The following NTSR1 variants were observed in gnomAD, a reference collection of about 807,000 sequenced individuals.
The protein encoded by NTSR1 is neurotensin receptor type 1.
Under a neutral mutation model 31.2 loss-of-function variants are expected in NTSR1, and 29 were observed. The observed-to-expected ratio is 0.93, with a 90% confidence interval of 0.69 to 1.27. The LOEUF (loss-of-function observed/expected upper bound fraction) is 1.27, where lower values mean the gene tolerates loss of function less well. NTSR1 is among the 50% of genes most tolerant of loss of function. The probability of loss-of-function intolerance (pLI) is 0.00; values close to 1 mark genes in which losing one functional copy is unlikely to be tolerated. For synonymous variants in NTSR1, 282 were observed against 269.9 expected (o/e 1.04, Z -0.44); for missense variants, 697 against 595.4 (o/e 1.17, Z -1.78).
rs895286864 is a variant in NTSR1 at position 62,711,610 on chromosome 20, C to T, written c.714+1689C>T. On this transcript the variant is annotated intron_variant, in intron 1 of 3. Transcript: ENST00000370501. The surrounding 1 kb of genome is among the most constrained non-coding windows in gnomAD (Gnocchi z 6.4). ...TCCCCGATCCCCCCGCTCAGAACCC[C>T]GATCCCCCTGCTCCCCTGGCAAAAG... is the stretch of plus-strand genomic sequence containing the variant. Among the ~76,000 whole-genome samples the T allele has an allele frequency of 7.3e-5, 11 of 150,366 alleles. No individual in the cohort carries two copies. The highest frequency in any genetic ancestry group is 6.0e-4 in the Admixed American group (9 of 15,096).
chr20:62,732,323 G>A lies in NTSR1; in HGVS notation c.715-22362G>A, dbSNP rs67381409. ...TGACATGGGCTGTAGGTTTTTAGTA[G>A]ATGTTCTCTACCAAGCTGAGGGAGT... is the stretch of plus-strand genomic sequence containing the variant. On this transcript the variant is annotated intron_variant, in intron 1 of 3. Coordinates refer to ENST00000370501, the MANE Select transcript of NTSR1 (RefSeq NM_002531.3). The surrounding 1 kb of genome is among the most constrained non-coding windows in gnomAD (Gnocchi z 4.0). Among the ~76,000 whole-genome samples, 1 of 152,050 alleles carries A rather than the reference G, an allele frequency of 6.6e-6. No individual in the cohort carries two copies. The highest frequency in any genetic ancestry group is 6.6e-5 in the Admixed American group (1 of 15,266).
chr20:62,750,949 C>G (rs1989384716), intron 1 of NTSR1, among the ~76,000 whole-genome samples: 1 of 152,180 alleles, frequency 6.6e-6, no homozygotes, highest in Non-Finnish European at 1.5e-5. Flanking sequence ...AGTCATAGCT[C>G]ACTGTAGCCT....
intron 1 of NTSR1, among the ~76,000 whole-genome samples, chr20:62,717,996 G>A (rs535668952): frequency 1.3e-5 from 2 of 152,284 alleles, no homozygotes; most frequent in Non-Finnish European, 2.9e-5. Flanking sequence ...GGAGCACTCC[G>A]GTGGGCGTCG....
intron 1 of NTSR1, among the ~76,000 whole-genome samples, chr20:62,748,645 A>G (rs1989342859): frequency 6.6e-6 from 1 of 152,180 alleles, no homozygotes; most frequent in South Asian, 2.1e-4. Context: ...ATCTTTGACA[A>G]GGTGCTATGG....
intron 1 of NTSR1, among the ~76,000 whole-genome samples, chr20:62,718,344 G>A (rs1418395696): frequency 6.6e-6 from 1 of 152,166 alleles, no homozygotes; most frequent in Non-Finnish European, 1.5e-5. Flanking sequence ...CCTAGGCCAG[G>A]GTGGGGGTGG....
intron 1 of NTSR1, among the ~76,000 whole-genome samples, chr20:62,746,024 T>C (rs1228897585): frequency 6.6e-6 from 1 of 152,186 alleles, no homozygotes; most frequent in Non-Finnish European, 1.5e-5. Flanking sequence ...AAGGCCACCC[T>C]ATGTGGCCAG....
chr20:62,760,758 G>A lies in NTSR1; in HGVS notation c.*491G>A, dbSNP rs1041919903. 4 of 154,586 alleles carry A rather than the reference G, an allele frequency of 2.6e-5. No individual in the cohort carries two copies. Among genetic ancestry groups the A allele is most frequent in the East Asian group, 1.9e-4 (1 of 5,186 alleles). 9.6% of individuals were successfully genotyped at this position (154,586 alleles called of 1,614,324 possible). ...CAGGCTCCGTGGCTTTGGGCCTCAC[G>A]TGCAGACCCTGCCATGCAGACCCAT... On this transcript the variant is annotated 3_prime_UTR_variant, in exon 4 of 4. Transcript: ENST00000370501.
In NTSR1 at chr20:62,741,275, T is replaced by TCTAGTGGGGGCCTCTCCAC. The variant is rs1482059232; in HGVS notation, c.715-13408_715-13407insAGTGGGGGCCTCTCCACCT. 7.3e-6 allele frequency among the ~76,000 whole-genome samples: 1 copy of TCTAGTGGGGGCCTCTCCAC among 136,126 alleles called. No individual in the cohort carries two copies. Among genetic ancestry groups the TCTAGTGGGGGCCTCTCCAC allele is most frequent in the East Asian group, 4.2e-4 (1 of 2,380 alleles). 89.3% of individuals were successfully genotyped at this position (136,126 alleles called of 152,430 possible). On this transcript the variant is annotated intron_variant, in intron 1 of 3. Coordinates refer to ENST00000370501, the MANE Select transcript of NTSR1 (RefSeq NM_002531.3). This position sits in a 1 kb window ranked among gnomAD's most constrained non-coding sequence, Gnocchi z 4.3. ...AGACAGGATGTGGCTTCCAGGGGCT[T>TCTAGTGGGGGCCTCTCCAC]CTGTTCTGCCAAGTCCCCACTCAGA... is the stretch of plus-strand genomic sequence containing the variant.
chr20:62,760,307 T>A lies in NTSR1; in HGVS notation c.*40T>A. On this transcript the variant is annotated 3_prime_UTR_variant, in exon 4 of 4. Transcript: ENST00000370501. ...AACGTGTCCAGGAGGAGCCTGGCCA[T>A]GGGTCCTTGCCCCCGACAGACAGAG... 6.4e-7 allele frequency: 1 copy of A among 1,565,256 alleles called. No homozygotes were observed. Among genetic ancestry groups the A allele is most frequent in the Non-Finnish European group, 8.7e-7 (1 of 1,155,138 alleles).
At chr20:62,730,971 A>G (rs1355252759) in intron 1 of NTSR1, among the ~76,000 whole-genome samples, 3 of 152,164 alleles carry the variant, frequency 2.0e-5, no homozygotes, top group Admixed American at 6.5e-5. Flanking sequence ...TATATTTTGG[A>G]TAACACTCCT....
At chr20:62,712,905 T>C (rs1487794042) in intron 1 of NTSR1, among the ~76,000 whole-genome samples, 1 of 152,200 alleles carries the variant, frequency 6.6e-6, no homozygotes, top group Non-Finnish European at 1.5e-5. Flanking sequence ...TGGTGGGTCA[T>C]CAGAGTCCCA....
intron 3 of NTSR1, among the ~76,000 whole-genome samples, chr20:62,759,645 GGT>G (rs1989576253): frequency 6.6e-6 from 1 of 152,118 alleles, no homozygotes. Flanking sequence ...GTGGTGGGGG[GGT>G]CCCTGTAGTC....
rs111169751 is a variant in NTSR1 at position 62,745,408 on chromosome 20, C to G, written c.715-9277C>G. On this transcript the variant is annotated intron_variant, in intron 1 of 3. Coordinates refer to ENST00000370501, the MANE Select transcript of NTSR1 (RefSeq NM_002531.3). This position sits in a 1 kb window ranked among gnomAD's most constrained non-coding sequence, Gnocchi z 4.1. ...AGATATAGAGATAGAGACACAGACT[C>G]AGGAAAACAGACAGAGAGAGACACA... Among the ~76,000 whole-genome samples, 1,906 of 151,548 alleles carry G rather than the reference C, an allele frequency of 0.013. 46 individuals carry two copies. Among genetic ancestry groups the G allele is most frequent in the African/African-American group, 0.043 (1,777 of 41,276 alleles).
At chr20:62,709,945 G>A (rs777046474) in intron 1 of NTSR1, 24 bp downstream of exon 1, 21 of 1,534,020 alleles carry the variant, frequency 1.4e-5, no homozygotes, top group Non-Finnish European at 1.8e-5. Context: ...ACCAGCCCCG[G>A]GGCTCCCCTC....
chr20:62,755,982 T>A (rs1405870748), intron 2 of NTSR1, among the ~76,000 whole-genome samples: 1 of 148,038 alleles, frequency 6.8e-6, no homozygotes, highest in Non-Finnish European at 1.5e-5. Context: ...TCTCTGTCCA[T>A]CTGTCCACTT....
rs1345135433 is a variant in NTSR1, at chr20:62,745,265, GGA to G, written c.715-9413_715-9412del. The stretch of plus-strand genomic sequence containing the variant: ...GGAAAGCAGAGACACAGAGAGACAT[GGA>G]GAGAGACACAGAGACAGAGAAACAG... On this transcript the variant is annotated intron_variant, in intron 1 of 3. Transcript: ENST00000370501. The surrounding 1 kb of genome is among the most constrained non-coding windows in gnomAD (Gnocchi z 4.1). Among the ~76,000 whole-genome samples the G allele has an allele frequency of 7.3e-5, 11 of 151,650 alleles. No homozygotes were observed. Among genetic ancestry groups the G allele is most frequent in the African/African-American group, 2.7e-4 (11 of 41,238 alleles).
intron 1 of NTSR1, among the ~76,000 whole-genome samples, chr20:62,752,607 C>A (rs946683942): frequency 6.6e-6 from 1 of 152,272 alleles, no homozygotes; most frequent in Admixed American, 6.5e-5. Context: ...TACAACCCAC[C>A]AGCCCCCAGA....
In NTSR1 at chr20:62,742,033, A is replaced by G. The variant is rs1989215915; in HGVS notation, c.715-12652A>G. On this transcript the variant is annotated intron_variant, in intron 1 of 3. Transcript: ENST00000370501. This position sits in a 1 kb window ranked among gnomAD's most constrained non-coding sequence, Gnocchi z 7.1. ...TGTAGACCCCAGGACAGTCGATGTC[A>G]GCTAGAAAGTGAAGGTTAGAGGAAT... 2.0e-5 allele frequency among the ~76,000 whole-genome samples: 3 copies of G among 149,664 alleles called. No individual in the cohort carries two copies. Among genetic ancestry groups the G allele is most frequent in the Non-Finnish European group, 4.4e-5 (3 of 68,014 alleles).
At position 62,710,468 on chromosome 20, in the gene NTSR1, T is replaced by C. The variant is rs182556377; in HGVS notation, c.714+547T>C. 5.5e-4 allele frequency among the ~76,000 whole-genome samples: 83 copies of C among 152,254 alleles called. 1 individual carries two copies. The East Asian group carries it at 0.014, about 25-fold the overall frequency. ...AGCATTGACCTCAGAAGGTAGAGCA[T>C]TGGAGAGAGGACGCGTGGGAAGTGT... On this transcript the variant is annotated intron_variant, in intron 1 of 3. Coordinates refer to ENST00000370501, the MANE Select transcript of NTSR1 (RefSeq NM_002531.3).
Sources: gnomAD v4.1 joint callset for allele counts (sites outside exome capture counted in the v4.1 genomes callset) on GRCh38, gnomAD v4.1.1 for gene constraint, Gnocchi (gnomAD v3.1) non-coding constraint, MANE v1.5 for transcripts, NCBI Gene and HGNC (gene_info 2026-07-23, HGNC 2026-07-21) for gene names.